SCAPER: variants seen among roughly 807,000 people sequenced by gnomAD.
SCAPER encodes S phase cyclin A-associated protein in the endoplasmic reticulum.
A neutral mutation model predicts 182.2 loss-of-function variants in SCAPER; 98 were observed. The ratio of observed to expected loss-of-function variants is 0.54; its 90% CI spans 0.46 to 0.64. The LOEUF is 0.64. Among genes scored for constraint, SCAPER ranks in the 30% least tolerant of loss-of-function variants. The pLI, the probability that SCAPER is intolerant of heterozygous loss-of-function variation, is 0.00. For missense variants in SCAPER, 1,432 were observed against 1,690.0 expected (o/e 0.85, Z 2.68); for synonymous variants, 605 against 564.6 (o/e 1.07, Z -1.01).
chr15:76,815,095 A>G (rs2066957365), intron 5 of SCAPER, among the ~76,000 whole-genome samples: 1 of 152,236 alleles, frequency 6.6e-6, no homozygotes, highest in Non-Finnish European at 1.5e-5. Flanking sequence ...GCTATTATCA[A>G]AAAGATAAGA....
chr15:76,732,876 C>CCT (rs547559572), intron 16 of SCAPER, among the ~76,000 whole-genome samples: 13 of 151,224 alleles, frequency 8.6e-5, no homozygotes, highest in African/African-American at 2.9e-4. Context: ...CTCTCTCTCT[C>CCT]CTCTCTCTCT....
intron 21 of SCAPER, among the ~76,000 whole-genome samples, chr15:76,647,827 T>C (rs1405333274): frequency 6.6e-6 from 1 of 152,234 alleles, no homozygotes; most frequent in African/African-American, 2.4e-5. Flanking sequence ...CTAGTCATTC[T>C]GTAGAGAGTT....
At chr15:76,780,359 A>G (rs2064040355) in intron 8 of SCAPER, among the ~76,000 whole-genome samples, 1 of 152,254 alleles carries the variant, frequency 6.6e-6, no homozygotes, top group Non-Finnish European at 1.5e-5. Context: ...TTGAGGAGGT[A>G]AACAAAGTGG....
intron 5 of SCAPER, among the ~76,000 whole-genome samples, chr15:76,816,098 G>T (rs1403888463): frequency 6.6e-6 from 1 of 152,160 alleles, no homozygotes; most frequent in Non-Finnish European, 1.5e-5. Flanking sequence ...GGAGAGAATG[G>T]TAAGTGAAGG....
intron 27 of SCAPER, among the ~76,000 whole-genome samples, chr15:76,392,252 C>T (rs571529116): frequency 6.6e-6 from 1 of 152,136 alleles, no homozygotes; most frequent in East Asian, 1.9e-4. Context: ...CATATATATA[C>T]TTCTATAAGC....
chr15:76,805,011 C>T (rs763278557), intron 5 of SCAPER, among the ~76,000 whole-genome samples: 1 of 152,052 alleles, frequency 6.6e-6, no homozygotes, highest in African/African-American at 2.4e-5. Context: ...GAGTTCAAGA[C>T]CAACCTGGGC....
chr15:76,613,124 T>TA (rs1445083743), intron 22 of SCAPER, among the ~76,000 whole-genome samples: 2 of 152,150 alleles, frequency 1.3e-5, no homozygotes, highest in African/African-American at 4.8e-5. Context: ...GCCACACACT[T>TA]ACAACTATCT....
At chr15:76,634,248 C>T (rs1035982875) in intron 21 of SCAPER, among the ~76,000 whole-genome samples, 6 of 152,214 alleles carry the variant, frequency 3.9e-5, no homozygotes, top group Non-Finnish European at 8.8e-5. Flanking sequence ...TTGCCCTATG[C>T]AGCTCCCAGG....
At chr15:76,821,441 A>C (rs2067533487) in intron 5 of SCAPER, among the ~76,000 whole-genome samples, 1 of 152,062 alleles carries the variant, frequency 6.6e-6, no homozygotes, top group Admixed American at 6.5e-5. Flanking sequence ...GAACATGGCA[A>C]AACTCCATCT....
chr15:76,489,035 A>T (rs1460537411), intron 24 of SCAPER, among the ~76,000 whole-genome samples: 1 of 150,878 alleles, frequency 6.6e-6, no homozygotes, highest in Admixed American at 6.6e-5. Context: ...CTTGCCTTTT[A>T]TAAGAAAGGA....
At chr15:76,685,067 T>C (rs1459534581) in intron 20 of SCAPER, among the ~76,000 whole-genome samples, 1 of 152,028 alleles carries the variant, frequency 6.6e-6, no homozygotes, top group Non-Finnish European at 1.5e-5. Flanking sequence ...TTATTCCAGC[T>C]TAGCAAAAAC....
At chr15:76,409,142 T>C (rs2045088249) in intron 26 of SCAPER, among the ~76,000 whole-genome samples, 2 of 152,178 alleles carry the variant, frequency 1.3e-5, no homozygotes, top group Admixed American at 1.3e-4. Context: ...TTAAACTAAA[T>C]GGCTCTAAAA....
In SCAPER at chr15:76,765,378, T is replaced by A. The variant is rs763584229; in HGVS notation, c.1572A>T (p.Gly524=). The A allele has an allele frequency of 3.1e-6, 5 of 1,613,846 alleles. No individual in the cohort carries two copies. The African/African-American group carries it at 5.3e-5, about 17-fold the overall frequency. ...AAGAAAGTTTTTCATGCATGTGAAT[T>A]CCATGCCCTGGAGGTCTAGCAGGTT... ...EEEPARPPGH[G]IHMHEKLSSP... The change falls in exon 13 of 32, where the codon GGA becomes GGT. Residue 524 remains glycine (G), a synonymous_variant. Coordinates refer to ENST00000563290, the MANE Select transcript of SCAPER (RefSeq NM_020843.4).
chr15:76,484,188 A>C (rs1366611021), intron 24 of SCAPER, among the ~76,000 whole-genome samples: 2 of 152,186 alleles, frequency 1.3e-5, no homozygotes, highest in South Asian at 2.1e-4. Flanking sequence ...AGACACAGAG[A>C]GACATGAGGG....
chr15:76,772,880 G>C (rs953112287), intron 9 of SCAPER, among the ~76,000 whole-genome samples: 2 of 151,712 alleles, frequency 1.3e-5, no homozygotes, highest in African/African-American at 4.8e-5. Flanking sequence ...ATAAACATTA[G>C]ATAAATGCTG....
intron 15 of SCAPER, among the ~76,000 whole-genome samples, chr15:76,738,432 A>G (rs2061383705): frequency 6.6e-6 from 1 of 151,824 alleles, no homozygotes. Flanking sequence ...CTCTTCTTTC[A>G]CTTGAAGACT....
At chr15:76,775,572 A>G (rs776028072) in intron 8 of SCAPER, among the ~76,000 whole-genome samples, 1 of 152,170 alleles carries the variant, frequency 6.6e-6, no homozygotes, top group Non-Finnish European at 1.5e-5. Flanking sequence ...GTCTAGGTAC[A>G]TTGGTTCTGG....
intron 17 of SCAPER, among the ~76,000 whole-genome samples, chr15:76,710,571 A>G (rs2150866528): frequency 6.6e-6 from 1 of 152,294 alleles, no homozygotes; most frequent in Admixed American, 6.5e-5. Flanking sequence ...TAAATTTTAA[A>G]AAGAACTGCA....
chr15:76,559,998 A>C (rs2046488886), intron 23 of SCAPER, among the ~76,000 whole-genome samples: 1 of 152,092 alleles, frequency 6.6e-6, no homozygotes, highest in South Asian at 2.1e-4. Context: ...TAGTTATGCT[A>C]TTTTGTTAGA....
Sources: allele counts gnomAD v4.1 joint callset (sites outside exome capture counted in the v4.1 genomes callset), GRCh38; gene constraint gnomAD v4.1.1; transcripts MANE v1.5; gene names NCBI Gene and HGNC (gene_info 2026-07-23, HGNC 2026-07-21).